MPDZ: variants seen among roughly 807,000 people sequenced by gnomAD.
The protein encoded by MPDZ is multiple PDZ domain protein.
MPDZ carries 234 observed loss-of-function variants against 239.1 expected under a neutral mutation model. The observed-to-expected ratio is 0.98, with a 90% CI of 0.88 to 1.09. The LOEUF is 1.09. Among genes scored for constraint, MPDZ ranks in the 50% least tolerant of loss-of-function variants. The pLI is 0.00. For synonymous variants in MPDZ, 1,048 were observed against 881.3 expected (o/e 1.19, Z -3.35); for missense variants, 3,175 against 2,510.0 (o/e 1.26, Z -5.66).
At position 13,215,030 on chromosome 9, in the gene MPDZ, T is replaced by G. The variant is rs543482066; in HGVS notation, c.1290+1744A>C. 1.2e-4 allele frequency among the ~76,000 whole-genome samples: 18 copies of G among 152,112 alleles called. No homozygotes were observed. The South Asian group carries it at 3.1e-3, about 26-fold the overall frequency. On this transcript the variant is annotated intron_variant, in intron 10 of 46. Coordinates refer to ENST00000319217, the MANE Select transcript of MPDZ (RefSeq NM_001378778.1). ...ACCCATTTTGAATAGTACAATTCAATAGTGCTAAGTATATTCACATCATTG... is the reference window on the plus strand; with the variant it reads ...ACCCATTTTGAATAGTACAATTCAAGAGTGCTAAGTATATTCACATCATTG...
intron 12 of MPDZ, 129 bp downstream of exon 12, chr9:13,204,907 A>C: frequency 2.0e-6 from 1 of 501,104 alleles, no homozygotes; most frequent in Admixed American, 4.3e-5. Flanking sequence ...AGGGATTTAC[A>C]AACTTCACTT....
Position 13,168,435 on chromosome 9 carries a change from G to C in MPDZ, c.3185C>G (p.Thr1062Ser), listed in dbSNP as rs1951362383. 1 of 1,613,374 alleles carries C rather than the reference G, an allele frequency of 6.2e-7. No individual in the cohort carries two copies. The highest frequency in any genetic ancestry group is 1.1e-5 in the South Asian group (1 of 91,070). ...TGCCTGGGCATTGGTTACACTGATG[G>C]TAGACTCTTCATTAATGGACAAGAT... Reference protein sequence around the residue: ...DCILSINEESTISVTNAQARA... With the variant: ...DCILSINEESSISVTNAQARA... The change falls in exon 22 of 47, where the codon ACC becomes AGC. Residue 1062 changes from threonine (T) to serine (S), a missense_variant. Transcript: ENST00000319217.
At chr9:13,111,787 A>G (rs573759619) in intron 43 of MPDZ, among the ~76,000 whole-genome samples, 14 of 152,326 alleles carry the variant, frequency 9.2e-5, no homozygotes, top group Non-Finnish European at 1.9e-4. Context: ...ACATATAAAA[A>G]TATGTATTAG....
Position 13,139,916 on chromosome 9 carries a change from G to A in MPDZ, c.4003+71C>T, listed in dbSNP as rs555618631. 481 of 1,578,126 alleles carry A rather than the reference G, an allele frequency of 3.0e-4. 4 individuals are homozygous for A. The South Asian group carries it at 4.9e-3, about 16-fold the overall frequency. The stretch of plus-strand genomic sequence containing the variant: ...TGCAACATACTTACTTATCCAGGGC[G>A]AAATCCTTGAGAAACTCAGAGCTAT... On this transcript the variant is annotated intron_variant, in intron 28 of 46. Transcript: ENST00000319217.
At position 13,153,174 on chromosome 9, in the gene MPDZ, G is replaced by C. The variant is rs573246006; in HGVS notation, c.3453-2486C>G. Among the ~76,000 whole-genome samples the C allele has an allele frequency of 3.3e-5, 5 of 152,238 alleles. No individual in the cohort carries two copies. In the South Asian group the frequency reaches 8.3e-4, roughly 25 times the overall value. ...AGGTAAGAAGAGGCTGGGAATGAAA[G>C]AGCACCACAAAGAGGAAAGGATGGG... On this transcript the variant is annotated intron_variant, in intron 24 of 46. Transcript: ENST00000319217.
In MPDZ at chr9:13,109,860, A is replaced by C. The variant is rs1005872747; in HGVS notation, c.5942+92T>G. The C allele has an allele frequency of 7.9e-5, 77 of 969,334 alleles. No individual in the cohort carries two copies. In the African/African-American group the frequency reaches 1.2e-3, roughly 15 times the overall value. 60.0% of individuals were successfully genotyped at this position (969,334 alleles called of 1,614,324 possible). ...TATCCTATCATTTTACCTGTACGTAATTCCTAGAAACATGGGACAGAGAAC... is the reference window on the plus strand; with the variant it reads ...TATCCTATCATTTTACCTGTACGTACTTCCTAGAAACATGGGACAGAGAAC... On this transcript the variant is annotated intron_variant, in intron 45 of 46. Transcript: ENST00000319217.
In MPDZ at chr9:13,180,174, C is replaced by A. The variant is rs191207723; in HGVS notation, c.2649+3244G>T. Reference sequence around the variant, plus strand: ...AAAAAAAAATAAGAAATAGTATCAACATTCTAAACATGGATGTGAAGGCAA... The same window carrying A: ...AAAAAAAAATAAGAAATAGTATCAAAATTCTAAACATGGATGTGAAGGCAA... On this transcript the variant is annotated intron_variant, in intron 19 of 46. Coordinates refer to ENST00000319217, the MANE Select transcript of MPDZ (RefSeq NM_001378778.1). Among the ~76,000 whole-genome samples, 514 of 152,124 alleles carry A rather than the reference C, an allele frequency of 3.4e-3. 2 individuals are homozygous for A. The highest frequency in any genetic ancestry group is 0.012 in the African/African-American group (492 of 41,524).
At chr9:13,255,104 G>A (rs536515611) in intron 1 of MPDZ, among the ~76,000 whole-genome samples, 90 of 152,148 alleles carry the variant, frequency 5.9e-4, no homozygotes, top group Non-Finnish European at 1.1e-3. Context: ...TCATTTCAAC[G>A]ATGTTCACAT....
In MPDZ at chr9:13,186,291, G is replaced by T; in HGVS notation, c.2460C>A (p.Leu820=). ...CEEAGLADKP[L]FRADLALVGT... is the part of the protein sequence containing the mutation. ...TAACCAGAGCCAAGTCAGCCCTGAA[G>T]AGGGGTTTGTCAGCCAGCCCTGCTT... is the stretch of plus-strand genomic sequence containing the variant. Residue 820 remains leucine (L), a synonymous_variant, in exon 18 of 47, where the codon CTC becomes CTA. Transcript: ENST00000319217. The T allele has an allele frequency of 6.3e-7, 1 of 1,591,240 alleles. No individual in the cohort carries two copies. The highest frequency in any genetic ancestry group is 8.6e-7 in the Non-Finnish European group (1 of 1,167,978).
intron 32 of MPDZ, among the ~76,000 whole-genome samples, chr9:13,127,277 A>T (rs961601167): frequency 2.0e-5 from 3 of 152,174 alleles, no homozygotes; most frequent in African/African-American, 7.2e-5. Flanking sequence ...GTGAACACTC[A>T]GACTTGTTTC....
chr9:13,164,407 T>C (rs1237486487), intron 22 of MPDZ, among the ~76,000 whole-genome samples: 1 of 152,074 alleles, frequency 6.6e-6, no homozygotes, highest in East Asian at 1.9e-4. Flanking sequence ...AAAATAAAGA[T>C]AAACATAAAA....
chr9:13,135,220 T>C (rs1016137915), intron 31 of MPDZ: 1 of 152,218 alleles, frequency 6.6e-6, no homozygotes, highest in Admixed American at 6.5e-5. Flanking sequence ...GTCAGATATC[T>C]GAAAACCTTG....
At chr9:13,165,433 G>A in intron 22 of MPDZ, 1 of 1,547,568 alleles carries the variant, frequency 6.5e-7, no homozygotes, top group Non-Finnish European at 8.7e-7. Context: ...ATACGCCGCG[G>A]CATCTTTTTA....
chr9:13,119,805 T>A (rs983227978), intron 38 of MPDZ, 156 bp from the exon 39 acceptor site: 18 of 735,700 alleles, frequency 2.4e-5, no homozygotes, highest in Non-Finnish European at 3.8e-5. Context: ...ATTAGAATTA[T>A]ATTTTTTGAT....
At chr9:13,249,901 G>T (rs1055433726) in intron 2 of MPDZ, among the ~76,000 whole-genome samples, 4 of 152,138 alleles carry the variant, frequency 2.6e-5, no homozygotes, top group Non-Finnish European at 5.9e-5. Context: ...AATAGCAAGA[G>T]CTCAGTAGAA....
chr9:13,229,089 A>G (rs1961577805), intron 3 of MPDZ, among the ~76,000 whole-genome samples: 1 of 152,182 alleles, frequency 6.6e-6, no homozygotes, highest in Admixed American at 6.6e-5. Flanking sequence ...CCAAGAAAAC[A>G]TAATTTATCT....
In MPDZ at chr9:13,143,545, A is replaced by G; in HGVS notation, c.3761T>C (p.Leu1254Ser). 2.5e-6 allele frequency: 4 copies of G among 1,612,898 alleles called. No homozygotes were observed. Among genetic ancestry groups the G allele is most frequent in the Non-Finnish European group, 3.4e-6 (4 of 1,179,036 alleles). ...GTACTTAGGGTAAAGGTTGTGCAGCAAGGAAGGCAAAGGGGATTTCTAAAA... is the reference window on the plus strand; with the variant it reads ...GTACTTAGGGTAAAGGTTGTGCAGCGAGGAAGGCAAAGGGGATTTCTAAAA... ...NRPRKSPLPS[L>S]LHNLYPKYNF... Residue 1254 changes from leucine to serine, a missense_variant, in exon 27 of 47, where the codon TTG (leucine) becomes TCG (serine). By Grantham distance (145) the Leu-to-Ser change is moderately radical. Transcript: ENST00000319217.
intron 3 of MPDZ, among the ~76,000 whole-genome samples, chr9:13,226,453 C>A (rs753576011): frequency 6.6e-6 from 1 of 151,936 alleles, no homozygotes; most frequent in South Asian, 2.1e-4. Context: ...GCAGTCTGTC[C>A]CTCACCCACT....
Position 13,222,421 on chromosome 9 carries a change from G to A in MPDZ, c.559C>T (p.Gln187Ter). 6.2e-7 allele frequency: 1 copy of A among 1,612,254 alleles called. No individual in the cohort carries two copies. Among genetic ancestry groups the A allele is most frequent in the Non-Finnish European group, 8.5e-7 (1 of 1,179,058 alleles). ...GCCTGTCCATTGATAGCAAGAATTT[G>A]ATCAGTTTCTTTCAATCTTCCATCT... is the stretch of plus-strand genomic sequence containing the variant. Reference protein sequence around the residue: ...HRDGRLKETDQILAINGQALD... With the variant: ...HRDGRLKETD The change falls in exon 6 of 47, where the codon CAA becomes TAA. Residue 187 changes from glutamine (Q) to a stop codon, truncating the protein, a stop_gained. Transcript: ENST00000319217. LOFTEE classifies it high-confidence loss of function.
Sources: gnomAD v4.1 joint callset for allele counts (sites outside exome capture counted in the v4.1 genomes callset) on GRCh38, gnomAD v4.1.1 for gene constraint, MANE v1.5 for transcripts, NCBI Gene and HGNC (gene_info 2026-07-23, HGNC 2026-07-21) for gene names.